CAMTA1: variants seen among roughly 807,000 people sequenced by gnomAD.
CAMTA1 encodes calmodulin-binding transcription activator 1.
CAMTA1 carries 27 observed loss-of-function variants against 170.9 expected under a neutral mutation model. That is an observed-to-expected ratio of 0.16 (90% CI 0.12 to 0.22). The LOEUF (loss-of-function observed/expected upper bound fraction) is 0.22, where lower values mean the gene tolerates loss of function less well. CAMTA1 is among the 10% of genes least tolerant of loss of function. The pLI is 1.00. For synonymous variants in CAMTA1, 833 were observed against 891.5 expected, an observed-to-expected ratio of 0.93 and a Z score of 1.17; for missense variants, 1,619 against 2,217.2, an observed-to-expected ratio of 0.73 and a Z score of 5.42.
chr1:7,639,742 A>G (rs530219361), intron 6 of CAMTA1, among the ~76,000 whole-genome samples: 2 of 151,938 alleles, frequency 1.3e-5, no homozygotes, highest in South Asian at 2.1e-4. Context: ...CTGCACTCCA[A>G]CCTGGACGAT....
chr1:7,033,033 G>A lies in CAMTA1; in HGVS notation c.235-58271G>A, dbSNP rs534896558. The stretch of plus-strand genomic sequence containing the variant: ...CAAGATGATTATGATGTGCCGTGGT[G>A]TAGTTTTCTTATGTTTCTGGTGCTT... On this transcript the variant is annotated intron_variant, in intron 3 of 22. Coordinates refer to ENST00000303635, the MANE Select transcript of CAMTA1 (RefSeq NM_015215.4). Among the ~76,000 whole-genome samples, 168 of 152,232 alleles carry A rather than the reference G, an allele frequency of 1.1e-3. 1 individual carries two copies. The highest frequency in any genetic ancestry group is 2.0e-3 in the Non-Finnish European group (138 of 68,012).
intron 5 of CAMTA1, among the ~76,000 whole-genome samples, chr1:7,357,995 A>G (rs1013473674): frequency 2.6e-5 from 4 of 152,206 alleles, no homozygotes; most frequent in Non-Finnish European, 5.9e-5. Context: ...GACTATGCTA[A>G]AGGGCTGCTT....
intron 3 of CAMTA1, among the ~76,000 whole-genome samples, chr1:6,842,872 T>C (rs1441926272): frequency 6.6e-6 from 1 of 151,352 alleles, no homozygotes; most frequent in Admixed American, 6.6e-5. Context: ...TGCAGTGAGC[T>C]GAGGTCGTGC....
intron 6 of CAMTA1, among the ~76,000 whole-genome samples, chr1:7,584,283 C>T (rs2150418321): frequency 6.6e-6 from 1 of 151,972 alleles, no homozygotes; most frequent in East Asian, 2.0e-4. Flanking sequence ...GATTTATCAG[C>T]AAGGAGCAGG....
intron 5 of CAMTA1, among the ~76,000 whole-genome samples, chr1:7,271,221 G>A (rs890309948): frequency 6.6e-6 from 1 of 152,146 alleles, no homozygotes; most frequent in Admixed American, 6.6e-5. Flanking sequence ...CTCTCTGTGA[G>A]CACAGACCGA....
intron 3 of CAMTA1, among the ~76,000 whole-genome samples, chr1:6,976,268 A>G (rs1189320068): frequency 6.6e-6 from 1 of 152,206 alleles, no homozygotes; most frequent in African/African-American, 2.4e-5. Context: ...ATGCATGTCA[A>G]GGAGAACTCA....
At chr1:6,926,311 T>TCCTCC (rs956146048) in intron 3 of CAMTA1, among the ~76,000 whole-genome samples, 37 of 147,490 alleles carry the variant, frequency 2.5e-4, no homozygotes, top group African/African-American at 6.0e-4. Context: ...TCCTCTCCTC[T>TCCTCC]CCTCCCCTCC....
chr1:6,902,039 T>TCA lies in CAMTA1; in HGVS notation c.234+76862_234+76863dup, dbSNP rs536174579. Among the ~76,000 whole-genome samples, 723 of 114,308 alleles carry TCA rather than the reference T, an allele frequency of 6.3e-3. 4 individuals carry two copies. Among genetic ancestry groups the TCA allele is most frequent in the Middle Eastern group, 0.018 (4 of 218 alleles). 75.0% of individuals were successfully genotyped at this position (114,308 alleles called of 152,430 possible). A position where few individuals can be genotyped will look rare whatever the true frequency, so the allele number is the denominator to read the frequency against. ...CAGCCCGAATGACAAGGTGAGACTG[T>TCA]CACACACACACACACACACACACAC... On this transcript the variant is annotated intron_variant, in intron 3 of 22. Coordinates refer to ENST00000303635, the MANE Select transcript of CAMTA1 (RefSeq NM_015215.4).
chr1:7,255,799 T>C (rs1667281986), intron 5 of CAMTA1, among the ~76,000 whole-genome samples: 2 of 152,204 alleles, frequency 1.3e-5, no homozygotes, highest in Admixed American at 6.5e-5. Context: ...GCTTCCACAG[T>C]TACACTTCCT....
chr1:7,705,048 C>T (rs2096496079), intron 11 of CAMTA1, among the ~76,000 whole-genome samples: 1 of 144,646 alleles, frequency 6.9e-6, no homozygotes, highest in Admixed American at 6.8e-5. Context: ...GTGTTTCTGG[C>T]GCGAGTGTGC....
chr1:7,172,762 C>T (rs1319455553), intron 4 of CAMTA1, among the ~76,000 whole-genome samples: 1 of 152,218 alleles, frequency 6.6e-6, no homozygotes, highest in African/African-American at 2.4e-5. Context: ...GAAAGAAGGA[C>T]ATTTGCTTGC....
chr1:7,120,169 A>T (rs543585599), intron 4 of CAMTA1, among the ~76,000 whole-genome samples: 59 of 152,326 alleles, frequency 3.9e-4, no homozygotes, highest in African/African-American at 1.4e-3. Context: ...ATTACCCCAC[A>T]CTGAGTGGCA....
chr1:7,371,326 G>C (rs1354563104), intron 5 of CAMTA1, among the ~76,000 whole-genome samples: 1 of 151,616 alleles, frequency 6.6e-6, no homozygotes, highest in African/African-American at 2.4e-5. Flanking sequence ...GGCGTATCTC[G>C]GCTCACTGCA....
chr1:6,880,031 G>C (rs1671064558), intron 3 of CAMTA1, among the ~76,000 whole-genome samples: 1 of 151,462 alleles, frequency 6.6e-6, no homozygotes, highest in African/African-American at 2.4e-5. Context: ...CACCTGGAAT[G>C]GTAGGCTTTT....
rs760403576 is a variant in CAMTA1 at position 7,565,528 on chromosome 1, C to T, written c.511-74872C>T. 6.6e-6 allele frequency among the ~76,000 whole-genome samples: 1 copy of T among 152,126 alleles called. No individual in the cohort carries two copies. Among genetic ancestry groups the T allele is most frequent in the Non-Finnish European group, 1.5e-5 (1 of 68,020 alleles). ...TGGGCTTTCCGCAGAGAGCCTGGCT[C>T]TAGGCTGTCCGGAACAGCAGGACGG... On this transcript the variant is annotated intron_variant, in intron 6 of 22. Transcript: ENST00000303635. This position sits in a 1 kb window ranked among gnomAD's most constrained non-coding sequence, Gnocchi z 4.5.
intron 3 of CAMTA1, among the ~76,000 whole-genome samples, chr1:7,019,158 A>T (rs1409132069): frequency 6.6e-6 from 1 of 152,144 alleles, no homozygotes; most frequent in Non-Finnish European, 1.5e-5. Context: ...TGCTTCTCAC[A>T]GCTTCTTTAA....
chr1:6,798,564 CCCA>C (rs1643120300), intron 1 of CAMTA1, among the ~76,000 whole-genome samples: 1 of 151,020 alleles, frequency 6.6e-6, no homozygotes, highest in African/African-American at 2.4e-5. Flanking sequence ...ACCACAGGCG[CCCA>C]CCACCACACC....
At chr1:7,084,005 T>C (rs970776976) in intron 3 of CAMTA1, among the ~76,000 whole-genome samples, 27 of 151,848 alleles carry the variant, frequency 1.8e-4, no homozygotes, top group Non-Finnish European at 3.4e-4. Context: ...TTTGGTCCCT[T>C]ACAGATAAAA....
chr1:7,231,252 G>C (rs1451360981), intron 4 of CAMTA1, among the ~76,000 whole-genome samples: 1 of 152,110 alleles, frequency 6.6e-6, no homozygotes, highest in Non-Finnish European at 1.5e-5. Context: ...GGAGAGTCCA[G>C]GGAAGCCAAG....
Sources: gnomAD v4.1 joint callset for allele counts (sites outside exome capture counted in the v4.1 genomes callset) on GRCh38, gnomAD v4.1.1 for gene constraint, Gnocchi (gnomAD v3.1) non-coding constraint, MANE v1.5 for transcripts, NCBI Gene and HGNC (gene_info 2026-07-23, HGNC 2026-07-21) for gene names.